CNTNAP2: variants seen among roughly 807,000 people sequenced by gnomAD.
The protein encoded by CNTNAP2 is contactin associated protein 2.
Under a neutral mutation model 155.2 loss-of-function variants are expected in CNTNAP2, and 98 were observed. The ratio of observed to expected loss-of-function variants is 0.63; its 90% CI spans 0.54 to 0.75. The LOEUF is 0.75. CNTNAP2 is among the 30% of genes least tolerant of loss of function. CNTNAP2 has a pLI of 0.00. For missense variants in CNTNAP2, 1,727 were observed against 1,688.1 expected (o/e 1.02, Z -0.40); for synonymous variants, 651 against 631.2 (o/e 1.03, Z -0.47).
chr7:146,940,111 A>C (rs1797018769), intron 3 of CNTNAP2, among the ~76,000 whole-genome samples: 1 of 152,218 alleles, frequency 6.6e-6, no homozygotes, highest in African/African-American at 2.4e-5. Context: ...TTTTACATCT[A>C]TACTGCCTAT....
intron 21 of CNTNAP2, among the ~76,000 whole-genome samples, chr7:148,332,063 A>C (rs1355477521): frequency 2.0e-5 from 3 of 152,092 alleles, no homozygotes; most frequent in African/African-American, 7.2e-5. Flanking sequence ...GAGCTAAAGA[A>C]ATTGCTGTCA....
Position 147,557,227 on chromosome 7 carries a change from G to T in CNTNAP2, c.1778-4911G>T, listed in dbSNP as rs1157146027. 2.6e-5 allele frequency among the ~76,000 whole-genome samples: 4 copies of T among 151,822 alleles called. No homozygotes were observed. The East Asian group carries it at 7.8e-4, about 29-fold the overall frequency. On this transcript the variant is annotated intron_variant, in intron 11 of 23. Transcript: ENST00000361727. ...TGCAGTGAGCCGAGATTGCACCACTGCACTCCAGCCTGGGCAACAGAGCCA... is the reference window on the plus strand; with the variant it reads ...TGCAGTGAGCCGAGATTGCACCACTTCACTCCAGCCTGGGCAACAGAGCCA...
rs185537034 is a variant in CNTNAP2 at position 147,976,324 on chromosome 7, T to G, written c.2256-1538T>G. Among the ~76,000 whole-genome samples the G allele has an allele frequency of 2.0e-5, 3 of 152,316 alleles. No individual in the cohort carries two copies. In the East Asian group the frequency reaches 5.8e-4, roughly 29 times the overall value. Reference sequence around the variant, plus strand: ...TGTTAGAGAGTGCTTTTATTTATTGTTCCTTTAAGAAGCACTAAATATTAA... The same window carrying G: ...TGTTAGAGAGTGCTTTTATTTATTGGTCCTTTAAGAAGCACTAAATATTAA... On this transcript the variant is annotated intron_variant, in intron 14 of 23. Coordinates refer to ENST00000361727, the MANE Select transcript of CNTNAP2 (RefSeq NM_014141.6).
intron 18 of CNTNAP2, among the ~76,000 whole-genome samples, chr7:148,194,433 C>T (rs1358825340): frequency 6.6e-6 from 1 of 152,130 alleles, no homozygotes; most frequent in Admixed American, 6.5e-5. Flanking sequence ...CCCCAATTAT[C>T]TTGTCAGGTC....
At chr7:147,480,453 C>A (rs1798401161) in intron 10 of CNTNAP2, among the ~76,000 whole-genome samples, 1 of 152,130 alleles carries the variant, frequency 6.6e-6, no homozygotes, top group South Asian at 2.1e-4. Context: ...TTAGCTGACC[C>A]TGAGATTGAG....
At chr7:147,606,693 A>G (rs1191367740) in intron 12 of CNTNAP2, among the ~76,000 whole-genome samples, 1 of 152,222 alleles carries the variant, frequency 6.6e-6, no homozygotes. Flanking sequence ...TTACAGAGAC[A>G]CTGTGATAAA....
chr7:148,397,311 G>A (rs1037048117), intron 22 of CNTNAP2, among the ~76,000 whole-genome samples: 4 of 152,210 alleles, frequency 2.6e-5, no homozygotes, highest in African/African-American at 9.7e-5. Context: ...TGTGCATCAG[G>A]ATTGTGAAGC....
chr7:146,412,430 C>G (rs1795880070), intron 1 of CNTNAP2, among the ~76,000 whole-genome samples: 1 of 152,154 alleles, frequency 6.6e-6, no homozygotes, highest in African/African-American at 2.4e-5. Flanking sequence ...GAAAGAAATT[C>G]CTTGTTTGAA....
intron 1 of CNTNAP2, among the ~76,000 whole-genome samples, chr7:146,416,493 G>A (rs1396097050): frequency 6.6e-6 from 1 of 152,046 alleles, no homozygotes; most frequent in Non-Finnish European, 1.5e-5. Context: ...CCAGGCCCAA[G>A]CAATCCTTCT....
chr7:147,650,892 T>G (rs890851563), intron 13 of CNTNAP2, among the ~76,000 whole-genome samples: 7 of 152,302 alleles, frequency 4.6e-5, no homozygotes, highest in African/African-American at 1.7e-4. Context: ...GAAAAAATCT[T>G]AACTAGTATG....
In CNTNAP2 at chr7:146,116,924, G is replaced by T. The variant is rs886044073; in HGVS notation, c.48G>T (p.Trp16Cys). Residue 16 changes from tryptophan (W) to cysteine (C), a missense_variant, in exon 1 of 24, where the codon TGG (tryptophan) becomes TGT (cysteine). By Grantham distance (215) the Trp-to-Cys change is radical. Coordinates refer to ENST00000361727, the MANE Select transcript of CNTNAP2 (RefSeq NM_014141.6). The surrounding 1 kb of genome is among the most constrained non-coding windows in gnomAD (Gnocchi z 5.5). Reference protein sequence around the residue: ...RAGCGAALLLWIVSSCLCRAW... With the variant: ...RAGCGAALLLCIVSSCLCRAW... ...GCTGCGGGGCAGCGCTCCTGCTGTG[G>T]ATTGTCAGCAGCTGCCTCTGCAGAG... The T allele has an allele frequency of 6.4e-7, 1 of 1,552,676 alleles. No individual in the cohort carries two copies. Among genetic ancestry groups the T allele is most frequent in the Non-Finnish European group, 8.7e-7 (1 of 1,147,746 alleles).
chr7:146,804,534 A>C (rs187722427), intron 2 of CNTNAP2, among the ~76,000 whole-genome samples: 36 of 152,206 alleles, frequency 2.4e-4, no homozygotes, highest in Admixed American at 2.4e-3. Flanking sequence ...AGAAACAAAA[A>C]TGCTATAAAT....
intron 3 of CNTNAP2, among the ~76,000 whole-genome samples, chr7:146,874,297 A>G (rs1795374807): frequency 6.6e-6 from 1 of 152,164 alleles, no homozygotes; most frequent in African/African-American, 2.4e-5. Flanking sequence ...AACTTTGTCT[A>G]GATAAACAAA....
intron 19 of CNTNAP2, among the ~76,000 whole-genome samples, chr7:148,225,733 G>C (rs1297311602): frequency 6.6e-6 from 1 of 152,140 alleles, no homozygotes; most frequent in Admixed American, 6.5e-5. Flanking sequence ...TGGTCCAGGG[G>C]GTAGAGATGG....
At chr7:147,497,351 C>G (rs765029962) in intron 11 of CNTNAP2, among the ~76,000 whole-genome samples, 2 of 152,180 alleles carry the variant, frequency 1.3e-5, no homozygotes, top group Admixed American at 1.3e-4. Context: ...GATGCCACCA[C>G]CAAATGCCAG....
intron 1 of CNTNAP2, among the ~76,000 whole-genome samples, chr7:146,375,929 C>T (rs1406607387): frequency 1.3e-5 from 2 of 152,126 alleles, no homozygotes; most frequent in Non-Finnish European, 2.9e-5. Flanking sequence ...AAACCTTCAC[C>T]TTCTCTTTGC....
intron 1 of CNTNAP2, among the ~76,000 whole-genome samples, chr7:146,251,302 A>G (rs909196263): frequency 1.3e-5 from 2 of 152,118 alleles, no homozygotes; most frequent in East Asian, 2.0e-4. Context: ...TTAATTTTAT[A>G]CAAGTTACAA....
At chr7:146,680,867 A>G (rs530199939) in intron 1 of CNTNAP2, among the ~76,000 whole-genome samples, 30 of 152,338 alleles carry the variant, frequency 2.0e-4, no homozygotes, top group African/African-American at 6.3e-4. Context: ...ACATAGGTTC[A>G]CTGCATCTAT....
At chr7:148,075,874 C>G (rs6960875) in intron 15 of CNTNAP2, among the ~76,000 whole-genome samples, 8,359 of 152,164 alleles carry the variant, frequency 0.055, 463 homozygotes, top group East Asian at 0.29. Flanking sequence ...ATATTGTTAT[C>G]AAAGTGGTGC....
Sources: allele counts gnomAD v4.1 joint callset (sites outside exome capture counted in the v4.1 genomes callset), GRCh38; gene constraint gnomAD v4.1.1; non-coding constraint Gnocchi (gnomAD v3.1); transcripts MANE v1.5; gene names NCBI Gene and HGNC (gene_info 2026-07-23, HGNC 2026-07-21).